Variants in MICA observed in about 807,000 individuals in gnomAD.
The protein encoded by MICA is HLA class I antigen.
MICA carries 18 observed loss-of-function variants against 34.3 expected under a neutral mutation model. That is an observed-to-expected ratio of 0.52 (90% CI 0.36 to 0.78). MICA has a LOEUF of 0.78. MICA is among the 30% of genes least tolerant of loss of function. The pLI, the probability that MICA is intolerant of heterozygous loss-of-function variation, is 0.00. For missense variants in MICA, 333 were observed against 409.4 expected (o/e 0.81, Z 1.61); for synonymous variants, 135 against 156.9 (o/e 0.86, Z 1.04).
chr6:31,403,796 C>A lies in MICA; in HGVS notation c.70+94C>A. The A allele has an allele frequency of 8.2e-7, 1 of 1,221,870 alleles. No individual in the cohort carries two copies. The highest frequency in any genetic ancestry group is 1.1e-6 in the Non-Finnish European group (1 of 891,394). 75.7% of individuals were successfully genotyped at this position (1,221,870 alleles called of 1,614,324 possible). ...AGCGGCGAGCGCTGTGCGGTCAGGG[C>A]GGGGCTCCTGTGCCCTGTCGGTGGC... is the stretch of plus-strand genomic sequence containing the variant. On this transcript the variant is annotated intron_variant, in intron 1 of 5. Transcript: ENST00000449934. This position sits in a 1 kb window ranked among gnomAD's most constrained non-coding sequence, Gnocchi z 4.7.
At chr6:31,409,433 C>T (rs144225270) in intron 1 of MICA, among the ~76,000 whole-genome samples, 53 of 151,850 alleles carry the variant, frequency 3.5e-4, no homozygotes, top group Middle Eastern at 3.4e-3. Context: ...AGCATCTTTT[C>T]ATGTGTTTGT....
intron 5 of MICA, among the ~76,000 whole-genome samples, chr6:31,414,341 C>T (rs1276354559): frequency 2.6e-5 from 4 of 152,042 alleles, no homozygotes; most frequent in Non-Finnish European, 5.9e-5. Flanking sequence ...CAGGGTTAAG[C>T]GGACCAGGCA....
intron 1 of MICA, among the ~76,000 whole-genome samples, chr6:31,409,576 CTGAT>C (rs145942833): frequency 8.6e-6 from 1 of 116,764 alleles, no homozygotes; most frequent in South Asian, 3.2e-4. Flanking sequence ...CTTTTTCACT[CTGAT>C]TGTGCCCTTT....
chr6:31,402,438 T>C (rs750241059), upstream of MICA, among the ~76,000 whole-genome samples: 8 of 151,848 alleles, frequency 5.3e-5, no homozygotes, highest in East Asian at 1.9e-4. Context: ...AGACAGCAGA[T>C]TGTGGCAGCT....
intron 5 of MICA, among the ~76,000 whole-genome samples, chr6:31,413,551 A>G (rs1465406948): frequency 6.6e-6 from 1 of 151,950 alleles, no homozygotes; most frequent in East Asian, 1.9e-4. Context: ...AGGCGACAGT[A>G]AGAGGCTGGG....
chr6:31,406,726 T>A (rs1307769240), intron 1 of MICA, among the ~76,000 whole-genome samples: 1 of 151,906 alleles, frequency 6.6e-6, no homozygotes, highest in African/African-American at 2.4e-5. Flanking sequence ...TGATTTGATT[T>A]TTGTATATGG....
In MICA at chr6:31,415,028, G is replaced by C. The variant is rs1771435068; in HGVS notation, c.*46G>C. On this transcript the variant is annotated 3_prime_UTR_variant, in exon 6 of 6. Coordinates refer to ENST00000449934, the MANE Select transcript of MICA (RefSeq NM_001177519.3). ...TTTCTCCAGAGCTCGTGAGCCTGCA[G>C]GTCCTGGATCAACACCCAGTTGGGA... The C allele has an allele frequency of 1.4e-6, 2 of 1,478,072 alleles. No individual in the cohort carries two copies. The highest frequency in any genetic ancestry group is 2.4e-5 in the East Asian group (1 of 42,222). 91.6% of individuals were successfully genotyped at this position (1,478,072 alleles called of 1,614,324 possible).
upstream of MICA, among the ~76,000 whole-genome samples, chr6:31,403,310 C>T (rs36222985): frequency 0.018 from 2,727 of 151,868 alleles, 117 homozygotes; most frequent in African/African-American, 0.061. The surrounding 1 kb of genome is among the most constrained non-coding windows in gnomAD (Gnocchi z 4.7). Context: ...GCCGGGAGGG[C>T]AGGCAGGGCC....
At chr6:31,403,593 C>CTTCGCT (rs36222991), upstream of MICA, 14 of 1,454,722 alleles carry the variant, frequency 9.6e-6, no homozygotes, top group African/African-American at 1.5e-4. This position sits in a 1 kb window ranked among gnomAD's most constrained non-coding sequence, Gnocchi z 4.7. Flanking sequence ...TTCTCCCCGG[C>CTTCGCT]CACTGCTTGA....
intron 1 of MICA, among the ~76,000 whole-genome samples, chr6:31,405,696 C>G (rs1230857081): frequency 3.3e-5 from 5 of 151,812 alleles, no homozygotes; most frequent in Admixed American, 6.6e-5. Flanking sequence ...TATTAACCAT[C>G]CCTGCTCCCC....
At chr6:31,413,166 G>A (rs3132467) in intron 5 of MICA, among the ~76,000 whole-genome samples, 52,719 of 151,484 alleles carry the variant, frequency 0.35, 9,722 homozygotes, top group African/African-American at 0.43. Context: ...AGGTTCCCAC[G>A]GCCTGGCCTC....
rs191110426 is a variant in MICA at position 31,411,659 on chromosome 6, A to G, written c.614-288A>G. 9.7e-4 allele frequency among the ~76,000 whole-genome samples: 148 copies of G among 151,838 alleles called. 1 individual carries two copies. Among genetic ancestry groups the G allele is most frequent in the African/African-American group, 3.4e-3 (142 of 41,328 alleles). The stretch of plus-strand genomic sequence containing the variant: ...GCCAGGGCTGCCCCCTCTGCCTCCC[A>G]GCCTGCCCATCCTGGAGAGTTCCCT... On this transcript the variant is annotated intron_variant, in intron 3 of 5. Coordinates refer to ENST00000449934, the MANE Select transcript of MICA (RefSeq NM_001177519.3). This position sits in a 1 kb window ranked among gnomAD's most constrained non-coding sequence, Gnocchi z 4.3.
At chr6:31,408,490 C>G (rs1770871965) in intron 1 of MICA, among the ~76,000 whole-genome samples, 1 of 151,876 alleles carries the variant, frequency 6.6e-6, no homozygotes, top group Non-Finnish European at 1.5e-5. Context: ...GTTTTAACCA[C>G]TTTTAAGTGT....
chr6:31,408,970 A>G (rs1296690370), intron 1 of MICA, among the ~76,000 whole-genome samples: 1 of 150,950 alleles, frequency 6.6e-6, no homozygotes, highest in Non-Finnish European at 1.5e-5. Flanking sequence ...AGGCCACTGC[A>G]CTCCAGCCTG....
intron 1 of MICA, among the ~76,000 whole-genome samples, chr6:31,407,110 G>A (rs9468990): frequency 0.038 from 5,787 of 151,854 alleles, 311 homozygotes; most frequent in African/African-American, 0.11. Context: ...TGTTTTGATA[G>A]GGATTGCATT....
chr6:31,412,988 C>A (rs1771291760), intron 5 of MICA, among the ~76,000 whole-genome samples: 1 of 151,230 alleles, frequency 6.6e-6, no homozygotes, highest in Non-Finnish European at 1.5e-5. Flanking sequence ...CCTATGAGGC[C>A]CAGCCTGGGG....
At chr6:31,402,497 C>G (rs572155326), upstream of MICA, among the ~76,000 whole-genome samples, 133 of 151,972 alleles carry the variant, frequency 8.8e-4, 2 homozygotes, top group African/African-American at 3.1e-3. Flanking sequence ...TGACATTCAG[C>G]AGATGGGGCG....
In MICA at chr6:31,411,827, G is replaced by A; in HGVS notation, c.614-120G>A. On this transcript the variant is annotated intron_variant, in intron 3 of 5. Transcript: ENST00000449934. The surrounding 1 kb of genome is among the most constrained non-coding windows in gnomAD (Gnocchi z 4.3). ...TGGGCCCCAGAGTGAGGACAGACTTGCAGGTCAGGGGTCCCGGAGGGCTTC... is the reference window on the plus strand; with the variant it reads ...TGGGCCCCAGAGTGAGGACAGACTTACAGGTCAGGGGTCCCGGAGGGCTTC... 7.7e-6 allele frequency: 11 copies of A among 1,422,834 alleles called. No homozygotes were observed. The highest frequency in any genetic ancestry group is 1.0e-5 in the Non-Finnish European group (11 of 1,074,228). 88.1% of individuals were successfully genotyped at this position (1,422,834 alleles called of 1,614,324 possible). A position where few individuals can be genotyped will look rare whatever the true frequency, so the allele number is the denominator to read the frequency against.
chr6:31,406,429 C>T (rs1376946910), intron 1 of MICA, among the ~76,000 whole-genome samples: 1 of 150,854 alleles, frequency 6.6e-6, no homozygotes, highest in African/African-American at 2.4e-5. Context: ...TATAGTTGTT[C>T]GAGCTCCTTA....
Sources: gnomAD v4.1 joint callset for allele counts (sites outside exome capture counted in the v4.1 genomes callset) on GRCh38, gnomAD v4.1.1 for gene constraint, Gnocchi (gnomAD v3.1) non-coding constraint, MANE v1.5 for transcripts, NCBI Gene and HGNC (gene_info 2026-07-23, HGNC 2026-07-21) for gene names.